Variants in HM13 observed in about 807,000 individuals in gnomAD.
HM13 encodes signal peptide peptidase.
In HM13, 18 loss-of-function variants were observed where a neutral mutation model predicts 50.0. The ratio of observed to expected loss-of-function variants is 0.36; its 90% CI spans 0.25 to 0.53. HM13 has a LOEUF of 0.53. Among genes scored for constraint, HM13 ranks in the 20% least tolerant of loss-of-function variants. The probability of loss-of-function intolerance (pLI) is 0.90; values close to 1 mark genes in which losing one functional copy is unlikely to be tolerated. For missense variants in HM13, 393 were observed against 552.4 expected (o/e 0.71, Z 2.89); for synonymous variants, 197 against 232.6 (o/e 0.85, Z 1.39).
intron 11 of HM13, among the ~76,000 whole-genome samples, chr20:31,567,217 G>C: frequency 6.6e-6 from 1 of 152,184 alleles, no homozygotes; most frequent in East Asian, 1.9e-4. Context: ...TTGGGGACAG[G>C]TCTCAGGGAG....
At chr20:31,564,241 C>T (rs1984769230) in intron 10 of HM13, among the ~76,000 whole-genome samples, 5 of 151,960 alleles carry the variant, frequency 3.3e-5, no homozygotes, top group Admixed American at 3.3e-4. Flanking sequence ...GCTGTGGGCC[C>T]GCCCTCACTG....
rs903084094 is a variant in HM13 at position 31,514,490 on chromosome 20, C to T, written c.-62C>T. The stretch of plus-strand genomic sequence containing the variant: ...GTGGCTTTCCCTGCAGAGCCGGTGT[C>T]TCCGCCTGCGTCCCTGCTGCAGCAA... On this transcript the variant is annotated 5_prime_UTR_variant, in exon 1 of 13. Coordinates refer to ENST00000398174, the MANE Select transcript of HM13 (RefSeq NM_178581.3). The surrounding 1 kb of genome is among the most constrained non-coding windows in gnomAD (Gnocchi z 4.3). The T allele has an allele frequency of 1.9e-6, 3 of 1,540,906 alleles. No homozygotes were observed. The highest frequency in any genetic ancestry group is 2.6e-6 in the Non-Finnish European group (3 of 1,138,860).
rs771692355 is a variant in HM13 at position 31,554,846 on chromosome 20, G to C, written c.808+17G>C. ...TCATTCCAGGTGAGCCTGCTGGTGT[G>C]GGGGCTATGTGAAAGGGGTGGAGAG... On this transcript the variant is annotated intron_variant, in intron 8 of 12. Transcript: ENST00000398174. 30 of 1,605,876 alleles carry C rather than the reference G, an allele frequency of 1.9e-5. No homozygotes were observed. Among genetic ancestry groups the C allele is most frequent in the Middle Eastern group, 3.3e-4 (2 of 6,054 alleles).
In HM13 at chr20:31,526,221, C is replaced by T. The variant is rs1050979429; in HGVS notation, c.184-1263C>T. ...TCCCAGGCTAGAGTGTTCAGTTGTG[C>T]GATCTCAGCTGACTGCAACCTCCAC... On this transcript the variant is annotated intron_variant, in intron 1 of 12. Coordinates refer to ENST00000398174, the MANE Select transcript of HM13 (RefSeq NM_178581.3). 4.6e-5 allele frequency among the ~76,000 whole-genome samples: 7 copies of T among 151,084 alleles called. No individual in the cohort carries two copies. The South Asian group carries it at 1.0e-3, about 23-fold the overall frequency.
intron 7 of HM13, chr20:31,550,487 C>T (rs958680179): frequency 4.7e-6 from 1 of 214,104 alleles, no homozygotes; most frequent in Admixed American, 5.2e-5. Flanking sequence ...CGGGTGCTGT[C>T]TATCCCGTGC....
At chr20:31,533,771 A>G (rs1430328148) in intron 2 of HM13, among the ~76,000 whole-genome samples, 1 of 152,096 alleles carries the variant, frequency 6.6e-6, no homozygotes. Context: ...AGTATAATAA[A>G]TCCTTTCATT....
intron 3 of HM13, among the ~76,000 whole-genome samples, chr20:31,543,442 C>G (rs113175755): frequency 2.0e-5 from 3 of 152,040 alleles, no homozygotes; most frequent in African/African-American, 7.2e-5. Context: ...CCTGCCACCA[C>G]GCCGGGCTAA....
chr20:31,544,922 C>T lies in HM13; in HGVS notation c.366-25C>T, dbSNP rs1983628118. 10 of 1,606,986 alleles carry T rather than the reference C, an allele frequency of 6.2e-6. No individual in the cohort carries two copies. The East Asian group carries it at 1.6e-4, about 25-fold the overall frequency. ...GACTGCCCATGGGGGCTCTGTTTGC[C>T]GACTTGCTTTGTCTTTCCTTCCAGC... On this transcript the variant is annotated intron_variant, in intron 3 of 12. Coordinates refer to ENST00000398174, the MANE Select transcript of HM13 (RefSeq NM_178581.3).
At chr20:31,559,360 G>A (rs1167617939) in intron 8 of HM13, among the ~76,000 whole-genome samples, 4 of 152,204 alleles carry the variant, frequency 2.6e-5, no homozygotes, top group Non-Finnish European at 5.9e-5. Context: ...CAGACACGGT[G>A]TGACATAGTA....
intron 10 of HM13, among the ~76,000 whole-genome samples, chr20:31,563,678 C>T (rs1332660136): frequency 6.6e-6 from 1 of 152,082 alleles, no homozygotes; most frequent in African/African-American, 2.4e-5. Flanking sequence ...GTATTGATCA[C>T]AGCCCACCTA....
chr20:31,531,259 G>A (rs537097545), intron 2 of HM13, among the ~76,000 whole-genome samples: 1 of 152,142 alleles, frequency 6.6e-6, no homozygotes, highest in East Asian at 1.9e-4. Flanking sequence ...TGGTCAGGCT[G>A]GACTCCTGGC....
chr20:31,521,644 G>T (rs887214918), intron 1 of HM13, among the ~76,000 whole-genome samples: 1 of 150,152 alleles, frequency 6.7e-6, no homozygotes, highest in African/African-American at 2.5e-5. Flanking sequence ...CATGAGAATT[G>T]CTTGAACCCA....
At chr20:31,552,748 G>A (rs1028257240) in intron 7 of HM13, among the ~76,000 whole-genome samples, 2 of 152,124 alleles carry the variant, frequency 1.3e-5, no homozygotes, top group East Asian at 1.9e-4. Context: ...AAAATTGAAT[G>A]GTACCAGGAT....
intron 8 of HM13, among the ~76,000 whole-genome samples, chr20:31,559,257 G>C (rs1238187405): frequency 6.6e-6 from 1 of 152,164 alleles, no homozygotes; most frequent in Non-Finnish European, 1.5e-5. Context: ...TGGCTACCCT[G>C]TCCCCCTGGC....
At chr20:31,518,866 T>TATAGAGAG (rs531734993) in intron 1 of HM13, among the ~76,000 whole-genome samples, 413 of 149,398 alleles carry the variant, frequency 2.8e-3, no homozygotes, top group African/African-American at 9.8e-3. Flanking sequence ...CATATATATA[T>TATAGAGAG]AGAGAGAGAG....
chr20:31,566,125 G>A, intron 10 of HM13, 85 bp from the exon 11 acceptor site: 1 of 987,512 alleles, frequency 1.0e-6, no homozygotes. Context: ...CTTCAGTCCA[G>A]CCCAGAAGGG....
intron 3 of HM13, chr20:31,538,596 C>T (rs1315261730): frequency 1.6e-6 from 2 of 1,277,362 alleles, no homozygotes; most frequent in African/African-American, 1.5e-5. Context: ...TGTGGCCTAG[C>T]TGTGTGCTAA....
intron 9 of HM13, among the ~76,000 whole-genome samples, chr20:31,561,008 A>G (rs1477938971): frequency 2.0e-5 from 3 of 152,214 alleles, no homozygotes; most frequent in Non-Finnish European, 2.9e-5. Flanking sequence ...CGGGCTGTAT[A>G]TGATTCATCT....
intron 1 of HM13, among the ~76,000 whole-genome samples, chr20:31,521,207 G>T (rs1206326179): frequency 1.3e-5 from 2 of 152,188 alleles, no homozygotes; most frequent in African/African-American, 4.8e-5. Context: ...CTGTTCCTCA[G>T]AAAGGTTGCA....
Sources: gnomAD v4.1 joint callset for allele counts (sites outside exome capture counted in the v4.1 genomes callset) on GRCh38, gnomAD v4.1.1 for gene constraint, Gnocchi (gnomAD v3.1) non-coding constraint, MANE v1.5 for transcripts, NCBI Gene and HGNC (gene_info 2026-07-23, HGNC 2026-07-21) for gene names.